PCDHA3: variants seen among roughly 807,000 people sequenced by gnomAD.
PCDHA3 encodes protocadherin alpha 3, also known as protocadherin alpha-3.
A neutral mutation model predicts 62.2 loss-of-function variants in PCDHA3; 41 were observed. That is an observed-to-expected ratio of 0.66 (90% CI 0.51 to 0.86). The LOEUF is 0.86. Ranked by LOEUF, PCDHA3 falls within the 40% of genes least tolerant of loss-of-function variation. The pLI is 0.00. For missense variants in PCDHA3, 1,304 were observed against 1,241.2 expected (o/e 1.05, Z -0.76); for synonymous variants, 640 against 555.4 (o/e 1.15, Z -2.14).
intron 1 of PCDHA3, chr5:140,808,493 T>G (rs781860911): frequency 1.9e-6 from 3 of 1,614,134 alleles, no homozygotes; most frequent in Non-Finnish European, 2.5e-6. Flanking sequence ...GCCTTCGCTG[T>G]GGGCCACGGC....
intron 1 of PCDHA3, chr5:140,856,177 C>G (rs200004763): frequency 6.3e-7 from 1 of 1,598,248 alleles, no homozygotes; most frequent in East Asian, 2.2e-5. Context: ...ACGGCACCTT[C>G]GTGGGCCGCA....
chr5:140,836,427 G>A (rs2150260736), intron 1 of PCDHA3: 1 of 1,613,858 alleles, frequency 6.2e-7, no homozygotes, highest in South Asian at 1.1e-5. Flanking sequence ...GTCGTCGCGG[G>A]CATCGTTGGG....
At chr5:140,918,302 G>A (rs1382712359) in intron 1 of PCDHA3, among the ~76,000 whole-genome samples, 1 of 152,048 alleles carries the variant, frequency 6.6e-6, no homozygotes, top group African/African-American at 2.4e-5. Context: ...GAGAATATAG[G>A]GTTTTCTAGG....
intron 1 of PCDHA3, chr5:140,860,060 G>A (rs1238594068): frequency 2.0e-5 from 3 of 151,870 alleles, no homozygotes; most frequent in Admixed American, 6.6e-5. Context: ...AGGCCAAGGT[G>A]GGAGGATGGT....
At chr5:140,871,405 C>T (rs1554165555) in intron 1 of PCDHA3, 10 of 1,614,106 alleles carry the variant, frequency 6.2e-6, no homozygotes, top group Non-Finnish European at 7.6e-6. Flanking sequence ...TAAGACGGAC[C>T]TCATGGCCTT....
chr5:140,865,528 T>C (rs2048902393), intron 1 of PCDHA3: 1 of 152,220 alleles, frequency 6.6e-6, no homozygotes, highest in Non-Finnish European at 1.5e-5. Context: ...GGAATTCTCT[T>C]CATCCATAGC....
intron 1 of PCDHA3, chr5:140,841,445 G>T: frequency 6.2e-7 from 1 of 1,612,934 alleles, no homozygotes; most frequent in South Asian, 1.1e-5. Context: ...GGCCAAACAC[G>T]GCACCTTCGT....
intron 1 of PCDHA3, among the ~76,000 whole-genome samples, chr5:140,954,250 T>C (rs1018325931): frequency 6.6e-6 from 1 of 152,252 alleles, no homozygotes; most frequent in Non-Finnish European, 1.5e-5. Context: ...AACATACACA[T>C]GCAGGTATCT....
chr5:140,840,708 C>T (rs1776833354), intron 1 of PCDHA3, among the ~76,000 whole-genome samples: 1 of 151,964 alleles, frequency 6.6e-6, no homozygotes, highest in African/African-American at 2.4e-5. Flanking sequence ...GGCAATTTGA[C>T]ATTTATTGAA....
At position 140,877,488 on chromosome 5, in the gene PCDHA3, C is replaced by G. The variant is rs781785108; in HGVS notation, c.2394+73897C>G. ...CGGTGCTGGTGTCGCTGGTGGAGAA[C>G]GGCCAGGCCCCAAAGACGTCGTCGC... On this transcript the variant is annotated intron_variant, in intron 1 of 3. Transcript: ENST00000522353. 6.2e-6 allele frequency: 10 copies of G among 1,613,856 alleles called. No homozygotes were observed. In the South Asian group the frequency reaches 1.1e-4, roughly 18 times the overall value.
intron 1 of PCDHA3, among the ~76,000 whole-genome samples, chr5:140,902,233 T>C (rs1402685005): frequency 6.7e-6 from 1 of 149,150 alleles, no homozygotes; most frequent in African/African-American, 2.5e-5. Context: ...AGATGAGGAC[T>C]TGCTTTGTTG....
Position 140,801,862 on chromosome 5 carries a change from T to C in PCDHA3, c.665T>C (p.Leu222Pro). 6.2e-7 allele frequency: 1 copy of C among 1,614,070 alleles called. No individual in the cohort carries two copies. The highest frequency in any genetic ancestry group is 1.6e-4 in the Middle Eastern group (1 of 6,062). ...ITAIDGGKPELTGTTQLKITV... is the reference protein window; with the variant it reads ...ITAIDGGKPEPTGTTQLKITV... ...GCAATTGATGGTGGGAAACCAGAGC[T>C]CACTGGCACGACTCAACTAAAGATC... Residue 222 changes from leucine (L) to proline (P), a missense_variant, in exon 1 of 4, where the codon CTC becomes CCC. By Grantham distance (98) the Leu-to-Pro change is moderately conservative. Coordinates refer to ENST00000522353, the MANE Select transcript of PCDHA3 (RefSeq NM_018906.3).
At chr5:140,905,928 A>G (rs2072211023) in intron 1 of PCDHA3, among the ~76,000 whole-genome samples, 1 of 152,238 alleles carries the variant, frequency 6.6e-6, no homozygotes, top group Admixed American at 6.5e-5. Context: ...TGAGTCCCAA[A>G]GCTGAAGAAC....
intron 1 of PCDHA3, chr5:140,809,158 C>T: frequency 6.2e-7 from 1 of 1,613,948 alleles, no homozygotes; most frequent in Non-Finnish European, 8.5e-7. Flanking sequence ...ACGGCGAGCC[C>T]GCGCTGACGG....
intron 1 of PCDHA3, chr5:140,928,400 C>G: frequency 6.2e-7 from 1 of 1,614,038 alleles, no homozygotes; most frequent in Non-Finnish European, 8.5e-7. Flanking sequence ...GTGGAATCAT[C>G]CAGTGGGGCC....
chr5:140,857,869 G>T (rs782395924), intron 1 of PCDHA3: 3 of 1,597,830 alleles, frequency 1.9e-6, no homozygotes, highest in Admixed American at 1.7e-5. Flanking sequence ...CGTGGCTGTC[G>T]TATGAATTGC....
rs2150349666 is a variant in PCDHA3, at chr5:140,842,999, G to T, written c.2394+39408G>T. ...GCAGGTGTTCGTGCTGGACGAGAAT[G>T]ACAACGCGCCGGCACTGCTGGAGCC... On this transcript the variant is annotated intron_variant, in intron 1 of 3. Coordinates refer to ENST00000522353, the MANE Select transcript of PCDHA3 (RefSeq NM_018906.3). The T allele has an allele frequency of 6.3e-5, 100 of 1,594,954 alleles. 9 individuals carry two copies. In the Admixed American group the frequency reaches 1.7e-3, roughly 27 times the overall value.
chr5:140,831,444 C>T (rs1029779683), intron 1 of PCDHA3, among the ~76,000 whole-genome samples: 11 of 151,230 alleles, frequency 7.3e-5, no homozygotes, highest in Admixed American at 1.3e-4. Context: ...ACTGCACCCT[C>T]GAATGCCTGG....
chr5:140,953,576 C>T (rs1466296429), intron 1 of PCDHA3, among the ~76,000 whole-genome samples: 1 of 152,090 alleles, frequency 6.6e-6, no homozygotes, highest in Non-Finnish European at 1.5e-5. Flanking sequence ...CCTCCTCTCC[C>T]AAAACTGCCT....
Sources: gnomAD v4.1 joint callset for allele counts (sites outside exome capture counted in the v4.1 genomes callset) on GRCh38, gnomAD v4.1.1 for gene constraint, MANE v1.5 for transcripts, NCBI Gene and HGNC (gene_info 2026-07-23, HGNC 2026-07-21) for gene names.